NPM3: variants seen among roughly 807,000 people sequenced by gnomAD.
NPM3 encodes nucleophosmin/nucleoplasmin 3, also known as nucleoplasmin-3.
NPM3 carries 12 observed loss-of-function variants against 18.1 expected under a neutral mutation model. That is an observed-to-expected ratio of 0.66 (90% confidence interval 0.42 to 1.07). NPM3 has a LOEUF of 1.07. NPM3 is among the 50% of genes least tolerant of loss of function. The probability of loss-of-function intolerance (pLI) is 0.00; values close to 1 mark genes in which losing one functional copy is unlikely to be tolerated. For synonymous variants in NPM3, 116 were observed against 93.7 expected (o/e 1.24, Z -1.38); for missense variants, 274 against 232.1 (o/e 1.18, Z -1.17).
chr10:101,782,701 A>C, intron 2 of NPM3, 104 bp from the exon 3 acceptor site: 3 of 1,588,156 alleles, frequency 1.9e-6, no homozygotes, highest in Non-Finnish European at 2.6e-6. Flanking sequence ...GTCCCGGTTC[A>C]CCTGGCCAGG....
rs749395908 is a variant in NPM3, at chr10:101,782,830, G to A, written c.204+9C>T. On this transcript the variant is annotated intron_variant, in intron 2 of 5. Transcript: ENST00000370110. Reference sequence around the variant, plus strand: ...TTATTCATTAAAACCCCACTCCCCTGCCCCTCACCATGGTTAGTGCCAGCA... The same window carrying A: ...TTATTCATTAAAACCCCACTCCCCTACCCCTCACCATGGTTAGTGCCAGCA... The A allele has an allele frequency of 9.3e-6, 15 of 1,613,634 alleles. No homozygotes were observed. The highest frequency in any genetic ancestry group is 8.8e-5 in the South Asian group (8 of 90,972).
In NPM3 at chr10:101,781,477, G is replaced by A. The variant is rs115539374; in HGVS notation, c.*165C>T. ...GCATGGTGAAAATCAGAAAACCACG[G>A]CTGTGTGGAGCACAGGCCCTCTCCT... On this transcript the variant is annotated 3_prime_UTR_variant, in exon 6 of 6. Transcript: ENST00000370110. 860 of 493,438 alleles carry A rather than the reference G, an allele frequency of 1.7e-3. 6 individuals are homozygous for A. The highest frequency in any genetic ancestry group is 0.016 in the African/African-American group (795 of 50,410). 30.6% of individuals were successfully genotyped at this position (493,438 alleles called of 1,614,324 possible).
rs1482469084 is a variant in NPM3 at position 101,781,867 on chromosome 10, C to A, written c.419-13G>T. On this transcript the variant is annotated splice_polypyrimidine_tract_variant and intron_variant, in intron 4 of 5. Transcript: ENST00000370110. ...TTGCTCATCGTAACTGGTGGACACA[C>A]AAGCAGTAGAAGGATGGGGTGTTAA... The A allele has an allele frequency of 6.2e-7, 1 of 1,614,134 alleles. No homozygotes were observed. The highest frequency in any genetic ancestry group is 1.1e-5 in the South Asian group (1 of 91,082).
At chr10:101,782,520 G>T in exon 3 of NPM3, 1 of 1,613,800 alleles carries the variant, frequency 6.2e-7, no homozygotes. Flanking sequence ...CAGGGACTGC[G>T]ATCTCCTGAT....
At chr10:101,782,068 TGGA>T (rs1378474113) in intron 4 of NPM3, among the ~76,000 whole-genome samples, 187 bp downstream of exon 4, 1 of 151,986 alleles carries the variant, frequency 6.6e-6, no homozygotes, top group Admixed American at 6.5e-5. Context: ...CCATGTTCCA[TGGA>T]GGAGGTAGGC....
exon 2 of NPM3, chr10:101,782,849 G>A: frequency 6.2e-7 from 1 of 1,614,154 alleles, no homozygotes; most frequent in Non-Finnish European, 8.5e-7. Flanking sequence ...CATGGTTAGT[G>A]CCAGCACGTG....
chr10:101,783,342 G>T (rs1360844728), exon 1 of NPM3: 2 of 1,613,084 alleles, frequency 1.2e-6, no homozygotes, highest in Non-Finnish European at 8.5e-7. Flanking sequence ...GCCCGCGTTC[G>T]GCTCTCCTGA....
At chr10:101,781,701 G>A in intron 5 of NPM3, 26 bp downstream of exon 5, 1 of 1,610,856 alleles carries the variant, frequency 6.2e-7, no homozygotes, top group South Asian at 1.1e-5. Flanking sequence ...CCCAGAGCCT[G>A]CTAGGCACTT....
chr10:101,782,331 CT>C lies in NPM3; in HGVS notation c.344del (p.Gln115ArgfsTer6), dbSNP rs1175398738. 1 of 1,613,958 alleles carries C rather than the reference CT, an allele frequency of 6.2e-7. No homozygotes were observed. The highest frequency in any genetic ancestry group is 2.2e-5 in the East Asian group (1 of 44,878). ...GGCGGAAGGTTACAGGTGGTTGGAG[CT>C]GGAAGTCATCCAGACTGAGCTGGGA... On this transcript the variant is annotated frameshift_variant, in exon 4 of 6. Transcript: ENST00000370110. LOFTEE classifies it high-confidence loss of function.
intron 1 of NPM3, 121 bp downstream of exon 1, chr10:101,783,152 T>C: frequency 1.1e-6 from 1 of 893,218 alleles, no homozygotes; most frequent in Non-Finnish European, 1.8e-6. Flanking sequence ...CCCCCTCTCC[T>C]GCGGGAACAG....
chr10:101,783,127 G>T, intron 1 of NPM3, 146 bp downstream of exon 1: 1 of 810,204 alleles, frequency 1.2e-6, no homozygotes, highest in Non-Finnish European at 2.0e-6. Context: ...ACCCCCTTTG[G>T]CTGTGCGTGC....
In NPM3 at chr10:101,783,298, CG is replaced by C; in HGVS notation, c.92del (p.Pro31ArgfsTer24). On this transcript the variant is annotated frameshift_variant, in exon 1 of 6. Coordinates refer to ENST00000370110, the Ensembl canonical transcript of NPM3. LOFTEE classifies it high-confidence loss of function. ...CGAAGAAAAAACTGTCCATAGTGAC[CG>C]GGGCCGGGACCCGTAGGCCCCCGAC... 1.2e-6 allele frequency: 2 copies of C among 1,610,822 alleles called. No individual in the cohort carries two copies. Among genetic ancestry groups the C allele is most frequent in the Non-Finnish European group, 1.7e-6 (2 of 1,178,318 alleles).
chr10:101,783,394 G>C (rs1296229518), exon 1 of NPM3: 19 of 1,587,052 alleles, frequency 1.2e-5, no homozygotes, highest in South Asian at 2.3e-5. Context: ...CGGCCATGCT[G>C]TAAGAGCCTT....
At position 101,782,824 on chromosome 10, in the gene NPM3, TC is replaced by T. The variant is rs776789888; in HGVS notation, c.204+14del. The T allele has an allele frequency of 1.1e-5, 18 of 1,613,036 alleles. No individual in the cohort carries two copies. The highest frequency in any genetic ancestry group is 1.4e-5 in the Non-Finnish European group (16 of 1,179,542). On this transcript the variant is annotated intron_variant, in intron 2 of 5. Coordinates refer to ENST00000370110, the Ensembl canonical transcript of NPM3. ...CTGGGCTTATTCATTAAAACCCCAC[TC>T]CCCTGCCCCTCACCATGGTTAGTGC...
rs2135011608 is a variant in NPM3, at chr10:101,781,633, C to T, written c.*10-1G>A. The T allele has an allele frequency of 7.4e-7, 1 of 1,356,852 alleles. No homozygotes were observed. The highest frequency in any genetic ancestry group is 1.0e-6 in the Non-Finnish European group (1 of 982,284). 84.1% of individuals were successfully genotyped at this position (1,356,852 alleles called of 1,614,324 possible). ...GCGGTGCATGGCACATGGAGCTGAC[C>T]TGAAAAGAGGAAACAAGGAATCAGC... On this transcript the variant is annotated splice_acceptor_variant, in intron 5 of 5. Transcript: ENST00000370110. LOFTEE classifies it low-confidence loss of function (3UTR_SPLICE).
rs963160328 is a variant in NPM3, at chr10:101,782,333, G to A, written c.343C>T (p.Gln115Ter). ...CGGAAGGTTACAGGTGGTTGGAGCT[G>A]GAAGTCATCCAGACTGAGCTGGGAG... Residue 115 changes from glutamine to a stop codon, truncating the protein, a stop_gained, in exon 4 of 6, where the codon CAG becomes TAG. Coordinates refer to ENST00000370110, the Ensembl canonical transcript of NPM3. LOFTEE classifies it high-confidence loss of function. The A allele has an allele frequency of 1.2e-6, 2 of 1,613,944 alleles. No individual in the cohort carries two copies. The highest frequency in any genetic ancestry group is 1.6e-4 in the Middle Eastern group (1 of 6,062).
chr10:101,783,434 G>A (rs1156853084), upstream of NPM3: 1 of 1,447,568 alleles, frequency 6.9e-7, no homozygotes, highest in East Asian at 2.4e-5. Context: ...CACGCACAAA[G>A]CCGGGGACCC....
exon 4 of NPM3, chr10:101,782,330 G>T: frequency 6.2e-7 from 1 of 1,613,996 alleles, no homozygotes; most frequent in Non-Finnish European, 8.5e-7. Context: ...GGTGGTTGGA[G>T]CTGGAAGTCA....
Position 101,782,859 on chromosome 10 carries a change from GC to G in NPM3, c.183del (p.Glu61AspfsTer6). 5 of 1,614,174 alleles carry G rather than the reference GC, an allele frequency of 3.1e-6. No individual in the cohort carries two copies. Among genetic ancestry groups the G allele is most frequent in the Non-Finnish European group, 4.2e-6 (5 of 1,180,010 alleles). ...CTCACCATGGTTAGTGCCAGCACGTGCTCCGCATCATCCTCTTCCTCTACCT... is the reference window on the plus strand; with the variant it reads ...CTCACCATGGTTAGTGCCAGCACGTGTCCGCATCATCCTCTTCCTCTACCT... On this transcript the variant is annotated frameshift_variant, in exon 2 of 6. Coordinates refer to ENST00000370110, the Ensembl canonical transcript of NPM3. LOFTEE classifies it high-confidence loss of function.
Sources: allele counts gnomAD v4.1 joint callset (sites outside exome capture counted in the v4.1 genomes callset), GRCh38; gene constraint gnomAD v4.1.1; transcripts MANE v1.5; gene names NCBI Gene and HGNC (gene_info 2026-07-23, HGNC 2026-07-21).